TLCD4: variants seen among roughly 807,000 people sequenced by gnomAD.
The protein encoded by TLCD4 is TLC domain containing 4, also known as TLC domain-containing protein 4.
TLCD4 carries 7 observed loss-of-function variants against 24.2 expected under a neutral mutation model. The observed-to-expected ratio is 0.29, with a 90% CI of 0.16 to 0.54. TLCD4 has a LOEUF of 0.54. Among genes scored for constraint, TLCD4 ranks in the 20% least tolerant of loss-of-function variants. The pLI, the probability that TLCD4 is intolerant of heterozygous loss-of-function variation, is 0.95. For synonymous variants in TLCD4, 103 were observed against 106.4 expected, an observed-to-expected ratio of 0.97 and a Z score of 0.20; for missense variants, 259 against 313.9, an observed-to-expected ratio of 0.82 and a Z score of 1.32.
chr1:95,140,663 T>A (rs1487407128), intron 1 of TLCD4: 1 of 152,188 alleles, frequency 6.6e-6, no homozygotes, highest in Non-Finnish European at 1.5e-5. Flanking sequence ...ATTTCCCTTA[T>A]CTGTTTCAGC....
chr1:95,099,129 T>C, the TLCD4 span, among the ~76,000 whole-genome samples: 1 of 150,192 alleles, frequency 6.7e-6, no homozygotes, highest in African/African-American at 2.4e-5. Flanking sequence ...GTAAGTATTA[T>C]CTTATCATCA....
At chr1:95,155,600 A>C (rs956811027) in intron 5 of TLCD4, among the ~76,000 whole-genome samples, 1 of 152,096 alleles carries the variant, frequency 6.6e-6, no homozygotes, top group Admixed American at 6.6e-5. Context: ...ATGGCCACCT[A>C]TGCTGATGGA....
chr1:95,094,452 C>A, the TLCD4 span, among the ~76,000 whole-genome samples: 1 of 152,174 alleles, frequency 6.6e-6, no homozygotes, highest in Non-Finnish European at 1.5e-5. Context: ...TAAGAGTCTA[C>A]ATGGAGAAAG....
the TLCD4 span, among the ~76,000 whole-genome samples, chr1:95,095,918 C>T: frequency 0.19 from 28,206 of 152,072 alleles, 2,959 homozygotes; most frequent in East Asian, 0.47. Flanking sequence ...ACACTGTATA[C>T]AAGACTGCAA....
chr1:95,173,099 A>G (rs1173171195), intron 5 of TLCD4, among the ~76,000 whole-genome samples: 1 of 152,204 alleles, frequency 6.6e-6, no homozygotes, highest in South Asian at 2.1e-4. Context: ...CTGATTCACA[A>G]ATATATTTTT....
intron 6 of TLCD4, among the ~76,000 whole-genome samples, chr1:95,177,667 A>G (rs898623112): frequency 2.0e-5 from 3 of 152,140 alleles, no homozygotes; most frequent in Non-Finnish European, 4.4e-5. Flanking sequence ...TATTATTTAC[A>G]TAGAAGGAGC....
intron 6 of TLCD4, among the ~76,000 whole-genome samples, chr1:95,175,674 T>C (rs1678395085): frequency 6.6e-6 from 1 of 152,226 alleles, no homozygotes; most frequent in Non-Finnish European, 1.5e-5. Flanking sequence ...TTCTGATTTC[T>C]TCACATCCTC....
At chr1:95,155,094 G>A (rs1434742023) in intron 5 of TLCD4, among the ~76,000 whole-genome samples, 1 of 151,776 alleles carries the variant, frequency 6.6e-6, no homozygotes, top group East Asian at 2.0e-4. Flanking sequence ...TGGTAGAACA[G>A]TCAGTATTTA....
chr1:95,132,676 G>T (rs76193661), intron 1 of TLCD4, among the ~76,000 whole-genome samples: 132 of 152,142 alleles, frequency 8.7e-4, no homozygotes, highest in African/African-American at 3.2e-3. Context: ...AGAGATCTAG[G>T]ATGAATATTT....
rs193102684 is a variant in TLCD4 at position 95,142,842 on chromosome 1, C to T, written c.-11-1049C>T. 5.3e-5 allele frequency among the ~76,000 whole-genome samples: 8 copies of T among 152,116 alleles called. No individual in the cohort carries two copies. In the East Asian group the frequency reaches 1.4e-3, roughly 26 times the overall value. The stretch of plus-strand genomic sequence containing the variant: ...GTGCGTGCCTGTAATCCCAGCCGCT[C>T]GCGATGATGAGGCAGCAGAATTGCT... On this transcript the variant is annotated intron_variant, in intron 1 of 6. Transcript: ENST00000370203.
At chr1:95,102,094 C>T in the TLCD4 span, among the ~76,000 whole-genome samples, 4 of 152,084 alleles carry the variant, frequency 2.6e-5, no homozygotes, top group East Asian at 7.7e-4. Flanking sequence ...TCTGAAGAGG[C>T]ATGAAGTTGC....
chr1:95,173,578 A>G (rs1168169065), intron 5 of TLCD4, among the ~76,000 whole-genome samples: 1 of 152,258 alleles, frequency 6.6e-6, no homozygotes. Context: ...TGGACACTGT[A>G]TACATAAGTG....
intron 6 of TLCD4, among the ~76,000 whole-genome samples, chr1:95,176,198 CTTTT>C (rs71097253): frequency 7.0e-6 from 1 of 142,100 alleles, no homozygotes; most frequent in Admixed American, 7.1e-5. Flanking sequence ...CAATTTTTTC[CTTTT>C]TTTTTTTTTG....
At chr1:95,169,365 A>T (rs927929917) in intron 5 of TLCD4, among the ~76,000 whole-genome samples, 4 of 152,256 alleles carry the variant, frequency 2.6e-5, no homozygotes, top group African/African-American at 9.6e-5. Context: ...CCAAGATGTT[A>T]TGCCCAACTT....
At chr1:95,113,196 C>G (rs1055109658), upstream of TLCD4, among the ~76,000 whole-genome samples, 4 of 150,050 alleles carry the variant, frequency 2.7e-5, no homozygotes, top group Admixed American at 1.3e-4. Flanking sequence ...GCGTGCGCCA[C>G]TAAGCCCAGC....
the TLCD4 span, among the ~76,000 whole-genome samples, chr1:95,095,521 C>G: frequency 6.6e-6 from 1 of 152,098 alleles, no homozygotes; most frequent in Non-Finnish European, 1.5e-5. Flanking sequence ...CCTCAGCCTC[C>G]CAAGTAGCTG....
chr1:95,117,386 A>G lies in TLCD4; in HGVS notation c.-243A>G, dbSNP rs1304328506. 6.6e-6 allele frequency: 1 copy of G among 152,080 alleles called. No individual in the cohort carries two copies. The highest frequency in any genetic ancestry group is 1.5e-5 in the Non-Finnish European group (1 of 67,996). 9.4% of individuals were successfully genotyped at this position (152,080 alleles called of 1,614,324 possible). ...CAGCTCTGCGGTAACCCGAGCCCGC[A>G]GTCCGGGCGGGCGCGACGGCCGCCG... On this transcript the variant is annotated 5_prime_UTR_variant, in exon 1 of 7. Coordinates refer to ENST00000370203, the MANE Select transcript of TLCD4 (RefSeq NM_152487.3).
At chr1:95,162,352 C>T (rs201814182) in intron 5 of TLCD4, among the ~76,000 whole-genome samples, 10 of 72,422 alleles carry the variant, frequency 1.4e-4, no homozygotes, top group East Asian at 6.0e-4. Context: ...TCCATTTGCT[C>T]GGTAGATCTT....
chr1:95,156,887 T>G (rs557712737), intron 5 of TLCD4, among the ~76,000 whole-genome samples: 20 of 152,098 alleles, frequency 1.3e-4, no homozygotes, highest in Non-Finnish European at 2.8e-4. Context: ...GTGGCCCATA[T>G]GCCATTAGAA....
Sources: allele counts gnomAD v4.1 joint callset (sites outside exome capture counted in the v4.1 genomes callset), GRCh38; gene constraint gnomAD v4.1.1; transcripts MANE v1.5; gene names NCBI Gene and HGNC (gene_info 2026-07-23, HGNC 2026-07-21).